Variants in PDZD2 observed in about 807,000 individuals in gnomAD.
PDZD2 encodes PDZ domain-containing protein 2.
In PDZD2, 90 loss-of-function variants were observed where a neutral mutation model predicts 220.7. That is an observed-to-expected ratio of 0.41 (90% CI 0.34 to 0.49). The LOEUF (loss-of-function observed/expected upper bound fraction) is 0.49, where lower values mean the gene tolerates loss of function less well. PDZD2 is among the 20% of genes least tolerant of loss of function. The pLI is 0.28. For missense variants in PDZD2, 3,174 were observed against 3,608.5 expected (o/e 0.88, Z 3.08); for synonymous variants, 1,375 against 1,450.5 (o/e 0.95, Z 1.18).
chr5:32,088,682 A>G lies in PDZD2; in HGVS notation c.5234A>G (p.Asn1745Ser). 5 of 1,614,058 alleles carry G rather than the reference A, an allele frequency of 3.1e-6. No individual in the cohort carries two copies. Among genetic ancestry groups the G allele is most frequent in the Non-Finnish European group, 4.2e-6 (5 of 1,179,942 alleles). Residue 1745 changes from asparagine to serine, a missense_variant, in exon 20 of 25, where the codon AAT becomes AGT. Physicochemically the swap from Asn to Ser is conservative, Grantham distance 46. Coordinates refer to ENST00000438447, the MANE Select transcript of PDZD2 (RefSeq NM_178140.4). The surrounding 1 kb of genome is among the most constrained non-coding windows in gnomAD (Gnocchi z 4.6). ...GACCTGCTAGATGACGAAACCCTGA[A>G]TCAATACGAAACAAGCATTAATGCA... ...EHDLLDDETL[N>S]QYETSINAAA...
At chr5:31,730,473 G>A (rs1220374425) in intron 1 of PDZD2, among the ~76,000 whole-genome samples, 4 of 152,056 alleles carry the variant, frequency 2.6e-5, no homozygotes, top group African/African-American at 9.7e-5. Context: ...GAGAGGGTCG[G>A]CCCTCCAGCC....
At chr5:31,938,352 C>T (rs10940981) in intron 2 of PDZD2, among the ~76,000 whole-genome samples, 118,321 of 152,190 alleles carry the variant, frequency 0.78, 46,103 homozygotes, top group Middle Eastern at 0.86. Flanking sequence ...GTATTGGTGC[C>T]ATCGCCTCCA....
rs559448796 is a variant in PDZD2, at chr5:32,048,446, G to A, written c.1520-93G>A. The A allele has an allele frequency of 5.4e-4, 554 of 1,022,172 alleles. 7 individuals are homozygous for A. In the South Asian group the frequency reaches 7.2e-3, roughly 13 times the overall value. 63.3% of individuals were successfully genotyped at this position (1,022,172 alleles called of 1,614,324 possible). A position where few individuals can be genotyped will look rare whatever the true frequency, so the allele number is the denominator to read the frequency against. ...CGCTAGGCTTCTCAAAACCATGAAG[G>A]TGGGTGTAAATACAATGAGTTTATG... On this transcript the variant is annotated intron_variant, in intron 7 of 24. Coordinates refer to ENST00000438447, the MANE Select transcript of PDZD2 (RefSeq NM_178140.4).
At chr5:31,726,685 C>T (rs1246616409) in intron 1 of PDZD2, among the ~76,000 whole-genome samples, 3 of 152,140 alleles carry the variant, frequency 2.0e-5, no homozygotes, top group African/African-American at 4.8e-5. Context: ...GTGGGCAGGG[C>T]CGGCCTGGGC....
chr5:31,947,232 A>G (rs1420627707), intron 2 of PDZD2, among the ~76,000 whole-genome samples: 1 of 152,222 alleles, frequency 6.6e-6, no homozygotes, highest in African/African-American at 2.4e-5. Context: ...CTGGTTGTTG[A>G]TGAAATCCAC....
chr5:32,051,330 A>T (rs1296112233), intron 8 of PDZD2, among the ~76,000 whole-genome samples: 1 of 152,222 alleles, frequency 6.6e-6, no homozygotes, highest in Non-Finnish European at 1.5e-5. Flanking sequence ...GGAGGCCAAC[A>T]TTGTTGGCAG....
At chr5:31,895,071 G>GT (rs1181795155) in intron 2 of PDZD2, among the ~76,000 whole-genome samples, 1 of 152,134 alleles carries the variant, frequency 6.6e-6, no homozygotes, top group African/African-American at 2.4e-5. Flanking sequence ...TGTATTTTTA[G>GT]TAGAGACGGG....
intron 5 of PDZD2, among the ~76,000 whole-genome samples, chr5:32,004,510 G>C (rs1048450096): frequency 2.6e-5 from 4 of 152,236 alleles, no homozygotes. Flanking sequence ...AAGATTGCTT[G>C]AGTTTAGCAG....
intron 1 of PDZD2, among the ~76,000 whole-genome samples, chr5:31,643,798 A>G (rs2150102120): frequency 6.6e-6 from 1 of 152,170 alleles, no homozygotes; most frequent in African/African-American, 2.4e-5. Context: ...TATGTGCCAA[A>G]TTAAATGAAA....
chr5:32,066,613 T>TAACCAGAGGTTACTCTGGC (rs1289767011), intron 14 of PDZD2, among the ~76,000 whole-genome samples: 1 of 152,216 alleles, frequency 6.6e-6, no homozygotes, highest in Admixed American at 6.5e-5. Flanking sequence ...AGCAGTCCAG[T>TAACCAGAGGTTACTCTGGC]AACCTCTGGC....
chr5:32,006,008 A>G (rs193112201), intron 5 of PDZD2, among the ~76,000 whole-genome samples: 161 of 152,178 alleles, frequency 1.1e-3, no homozygotes, highest in African/African-American at 3.7e-3. Flanking sequence ...TTAGCCAGGC[A>G]TGGTGGCGTG....
rs968006471 is a variant in PDZD2, at chr5:32,054,241, G to A, written c.1900+358G>A. Among the ~76,000 whole-genome samples the A allele has an allele frequency of 2.0e-5, 3 of 148,800 alleles. No homozygotes were observed. The East Asian group carries it at 6.0e-4, about 30-fold the overall frequency. ...GGGCTGGTGTGGAAGCAGAGCGCCT[G>A]GTCATTAGTGGATATTTAATATCTT... On this transcript the variant is annotated intron_variant, in intron 10 of 24. Coordinates refer to ENST00000438447, the MANE Select transcript of PDZD2 (RefSeq NM_178140.4).
In PDZD2 at chr5:32,090,013, A is replaced by G. The variant is rs1251840255; in HGVS notation, c.6565A>G (p.Ser2189Gly). The G allele has an allele frequency of 6.2e-7, 1 of 1,606,822 alleles. No individual in the cohort carries two copies. The highest frequency in any genetic ancestry group is 1.1e-5 in the South Asian group (1 of 89,818). The change falls in exon 20 of 25, where the codon AGC (serine) becomes GGC (glycine). Residue 2189 changes from serine (S) to glycine (G), a missense_variant. Around this residue, in one of 4 missense-constraint regions of PDZD2, gnomAD observed 1,861 missense variants for 2,001.0 expected, o/e 0.93. Coordinates refer to ENST00000438447, the MANE Select transcript of PDZD2 (RefSeq NM_178140.4). The surrounding 1 kb of genome is among the most constrained non-coding windows in gnomAD (Gnocchi z 4.3). Reference sequence around the variant, plus strand: ...GGCAGAATACTCCCAGGGAAAATCAAGCCTGATGTCAGACTCCCGAGGGGT... The same window carrying G: ...GGCAGAATACTCCCAGGGAAAATCAGGCCTGATGTCAGACTCCCGAGGGGT... ...RKAEYSQGKS[S>G]LMSDSRGVPR...
intron 5 of PDZD2, among the ~76,000 whole-genome samples, chr5:32,003,735 G>T (rs1324304351): frequency 6.6e-6 from 1 of 151,994 alleles, no homozygotes; most frequent in African/African-American, 2.4e-5. Context: ...TTTTGAGACG[G>T]AGTCTCACTC....
chr5:31,751,102 C>A (rs1454921585), intron 1 of PDZD2, among the ~76,000 whole-genome samples: 1 of 151,950 alleles, frequency 6.6e-6, no homozygotes, highest in African/African-American at 2.4e-5. Flanking sequence ...AGTACCTGGG[C>A]GTGGTGGCAC....
At chr5:31,956,309 CAACAG>C (rs1172747371) in intron 2 of PDZD2, among the ~76,000 whole-genome samples, 4 of 147,226 alleles carry the variant, frequency 2.7e-5, no homozygotes, top group African/African-American at 1.0e-4. Context: ...GGGTGAAAAA[CAACAG>C]AAAAGATCAA....
intron 1 of PDZD2, among the ~76,000 whole-genome samples, chr5:31,679,291 G>A (rs938342982): frequency 6.6e-6 from 1 of 152,258 alleles, no homozygotes; most frequent in African/African-American, 2.4e-5. Context: ...TCGCTTTTGC[G>A]AAGCAGCTTC....
intron 1 of PDZD2, among the ~76,000 whole-genome samples, chr5:31,702,739 T>C (rs1747657757): frequency 6.6e-6 from 1 of 152,248 alleles, no homozygotes; most frequent in Admixed American, 6.5e-5. Context: ...GTAAAACATA[T>C]AATACTCAGC....
intron 2 of PDZD2, among the ~76,000 whole-genome samples, chr5:31,870,570 G>A (rs1738695153): frequency 6.6e-6 from 1 of 152,136 alleles, no homozygotes; most frequent in African/African-American, 2.4e-5. Flanking sequence ...TTGTAAACAA[G>A]TCTTTTTTAA....
Sources: gnomAD v4.1 joint callset for allele counts (sites outside exome capture counted in the v4.1 genomes callset) on GRCh38, gnomAD v4.1.1 for gene constraint, gnomAD v4.1.1 regional missense constraint, Gnocchi (gnomAD v3.1) non-coding constraint, MANE v1.5 for transcripts, NCBI Gene and HGNC (gene_info 2026-07-23, HGNC 2026-07-21) for gene names.